Variants in TBC1D5 observed in about 807,000 individuals in gnomAD.
The protein encoded by TBC1D5 is TBC1 domain family member 5.
In TBC1D5, 75 loss-of-function variants were observed where a neutral mutation model predicts 100.3. The observed-to-expected ratio is 0.75, with a 90% CI of 0.62 to 0.91. The LOEUF (loss-of-function observed/expected upper bound fraction) is 0.91, where lower values mean the gene tolerates loss of function less well. Among genes scored for constraint, TBC1D5 ranks in the 40% least tolerant of loss-of-function variants. The pLI is 0.00. For missense variants in TBC1D5, 910 were observed against 942.4 expected, an observed-to-expected ratio of 0.97 and a Z score of 0.45; for synonymous variants, 323 against 325.6, an observed-to-expected ratio of 0.99 and a Z score of 0.09.
intron 1 of TBC1D5, among the ~76,000 whole-genome samples, chr3:17,678,949 C>A (rs2069069055): frequency 1.3e-5 from 2 of 150,812 alleles, no homozygotes; most frequent in African/African-American, 2.5e-5. Context: ...TGAAATGAAG[C>A]CTTTAATATC....
intron 1 of TBC1D5, among the ~76,000 whole-genome samples, chr3:17,715,537 G>A (rs931640289): frequency 6.6e-6 from 1 of 152,178 alleles, no homozygotes; most frequent in Non-Finnish European, 1.5e-5. Flanking sequence ...AGGCATGGTG[G>A]CTCACACCTG....
intron 1 of TBC1D5, among the ~76,000 whole-genome samples, chr3:17,732,674 A>G (rs973922871): frequency 6.6e-6 from 1 of 150,716 alleles, no homozygotes; most frequent in Admixed American, 6.7e-5. Context: ...GTAAGATTAC[A>G]CCACTGCACT....
At chr3:17,418,825 T>C (rs975353334) in intron 4 of TBC1D5, among the ~76,000 whole-genome samples, 3 of 152,186 alleles carry the variant, frequency 2.0e-5, no homozygotes, top group Non-Finnish European at 2.9e-5. Flanking sequence ...AAAATCAAAA[T>C]GAAGTCACTT....
At chr3:17,730,391 A>G (rs551993966) in intron 1 of TBC1D5, among the ~76,000 whole-genome samples, 6 of 152,334 alleles carry the variant, frequency 3.9e-5, no homozygotes, top group African/African-American at 1.4e-4. Context: ...TAAGGGGACT[A>G]GGTTTTTCCA....
intron 3 of TBC1D5, among the ~76,000 whole-genome samples, chr3:17,453,501 A>G (rs2094977645): frequency 6.6e-6 from 1 of 152,202 alleles, no homozygotes; most frequent in East Asian, 1.9e-4. Flanking sequence ...AATTGAAAGA[A>G]TCATTAGTGG....
chr3:17,710,640 G>A (rs968958406), intron 1 of TBC1D5, among the ~76,000 whole-genome samples: 3 of 151,758 alleles, frequency 2.0e-5, no homozygotes, highest in African/African-American at 7.3e-5. Context: ...GACTTGATAC[G>A]ATAAGAGGAA....
intron 4 of TBC1D5, among the ~76,000 whole-genome samples, chr3:17,410,708 G>T (rs1420017604): frequency 6.6e-6 from 1 of 151,980 alleles, no homozygotes; most frequent in African/African-American, 2.4e-5. Context: ...ACTAGATGGG[G>T]AAAAATAACA....
chr3:17,448,510 A>T (rs933481892), intron 3 of TBC1D5, among the ~76,000 whole-genome samples: 2 of 152,342 alleles, frequency 1.3e-5, no homozygotes, highest in Middle Eastern at 3.4e-3. Flanking sequence ...AAATAATAAG[A>T]TGTGAAAGTA....
chr3:17,656,044 C>T (rs1294799472), intron 1 of TBC1D5, among the ~76,000 whole-genome samples: 1 of 152,308 alleles, frequency 6.6e-6, no homozygotes, highest in Admixed American at 6.5e-5. Flanking sequence ...AAGCAGTGTA[C>T]TCCTGTATTC....
At chr3:17,501,824 T>G (rs185037635) in intron 3 of TBC1D5, among the ~76,000 whole-genome samples, 1 of 149,600 alleles carries the variant, frequency 6.7e-6, no homozygotes, top group Admixed American at 6.6e-5. Flanking sequence ...GAATCACCCA[T>G]AAATATGATG....
intron 2 of TBC1D5, among the ~76,000 whole-genome samples, chr3:17,521,243 G>T (rs984726060): frequency 1.3e-5 from 2 of 152,058 alleles, no homozygotes; most frequent in Non-Finnish European, 2.9e-5. Context: ...AACTGCACCG[G>T]TCCATGTGGA....
chr3:17,651,202 G>A (rs1208981786), intron 1 of TBC1D5, among the ~76,000 whole-genome samples: 3 of 151,724 alleles, frequency 2.0e-5, no homozygotes, highest in African/African-American at 4.8e-5. Context: ...AATACATAAC[G>A]TTTTCATTTA....
Position 17,503,117 on chromosome 3 carries a change from G to A in TBC1D5, c.97+5357C>T, listed in dbSNP as rs549955107. 1.8e-4 allele frequency among the ~76,000 whole-genome samples: 27 copies of A among 149,556 alleles called. 3 individuals are homozygous for A. The highest frequency in any genetic ancestry group is 1.7e-3 in the East Asian group (9 of 5,144). On this transcript the variant is annotated intron_variant, in intron 3 of 21. Transcript: ENST00000253692. ...AGATCCTTTCACTGAAATACCCACC[G>A]TTCTTCATATAAGGGAGCTTCATCC... is the stretch of plus-strand genomic sequence containing the variant.
chr3:17,437,927 T>C (rs2094567253), intron 3 of TBC1D5, among the ~76,000 whole-genome samples: 1 of 152,212 alleles, frequency 6.6e-6, no homozygotes, highest in African/African-American at 2.4e-5. Flanking sequence ...TATGCCCTCA[T>C]TTACTAATGA....
At chr3:17,247,502 T>C (rs1199161135) in intron 16 of TBC1D5, among the ~76,000 whole-genome samples, 1 of 152,224 alleles carries the variant, frequency 6.6e-6, no homozygotes, top group Admixed American at 6.5e-5. Context: ...TTAGTGAGTC[T>C]TAAGCTTTTT....
At chr3:17,499,321 A>G (rs1379901121) in intron 3 of TBC1D5, among the ~76,000 whole-genome samples, 1 of 152,232 alleles carries the variant, frequency 6.6e-6, no homozygotes, top group African/African-American at 2.4e-5. Context: ...TGCATAAATC[A>G]ATAAAATGGA....
chr3:17,374,413 T>A (rs528939153), intron 12 of TBC1D5, 58 bp downstream of exon 12: 2 of 1,497,560 alleles, frequency 1.3e-6, no homozygotes, highest in South Asian at 2.5e-5. Context: ...ATGTTGTTAT[T>A]TATTGAAAGC....
At chr3:17,599,120 T>A (rs566010681) in intron 2 of TBC1D5, among the ~76,000 whole-genome samples, 15 of 152,278 alleles carry the variant, frequency 9.9e-5, no homozygotes, top group South Asian at 2.1e-4. Flanking sequence ...ATTTGTGCCA[T>A]GAAAGTGATA....
intron 1 of TBC1D5, among the ~76,000 whole-genome samples, chr3:17,663,834 TATA>T (rs2066926637): frequency 6.6e-6 from 1 of 152,176 alleles, no homozygotes; most frequent in African/African-American, 2.4e-5. Flanking sequence ...AGTACATCTA[TATA>T]ATAACAGAAT....
Sources: allele counts gnomAD v4.1 joint callset (sites outside exome capture counted in the v4.1 genomes callset), GRCh38; gene constraint gnomAD v4.1.1; transcripts MANE v1.5; gene names NCBI Gene and HGNC (gene_info 2026-07-23, HGNC 2026-07-21).